EML4: variants seen among roughly 807,000 people sequenced by gnomAD.
EML4 encodes echinoderm microtubule-associated protein-like 4.
Under a neutral mutation model 129.0 loss-of-function variants are expected in EML4, and 72 were observed. The ratio of observed to expected loss-of-function variants is 0.56; its 90% confidence interval spans 0.46 to 0.68. The LOEUF is 0.68. Ranked by LOEUF, EML4 falls within the 30% of genes least tolerant of loss-of-function variation. The pLI is 0.00. For missense variants in EML4, 1,363 were observed against 1,190.6 expected (o/e 1.14, Z -2.13); for synonymous variants, 532 against 405.0 (o/e 1.31, Z -3.77).
intron 2 of EML4, 25 bp downstream of exon 2, chr2:42,245,712 G>A: frequency 6.5e-7 from 1 of 1,547,668 alleles, no homozygotes; most frequent in East Asian, 2.3e-5. Flanking sequence ...AAGTTAAAAA[G>A]AGTCTTGCTT....
chr2:42,215,702 T>G (rs920147876), intron 1 of EML4, among the ~76,000 whole-genome samples: 1 of 152,152 alleles, frequency 6.6e-6, no homozygotes, highest in African/African-American at 2.4e-5. Context: ...AGATACAGAG[T>G]TAAATTACTT....
intron 1 of EML4, among the ~76,000 whole-genome samples, chr2:42,222,242 A>C (rs987276090): frequency 2.0e-5 from 3 of 152,112 alleles, no homozygotes; most frequent in African/African-American, 2.4e-5. Context: ...TATTTTAACA[A>C]ATTTTTTGCA....
chr2:42,245,013 T>A (rs537330018), intron 1 of EML4, among the ~76,000 whole-genome samples: 1 of 151,692 alleles, frequency 6.6e-6, no homozygotes, highest in South Asian at 2.1e-4. Flanking sequence ...TAAATTAAGA[T>A]AGCTATAAAA....
intron 6 of EML4, among the ~76,000 whole-genome samples, chr2:42,278,145 C>G (rs1301884460): frequency 6.6e-6 from 1 of 152,134 alleles, no homozygotes; most frequent in Non-Finnish European, 1.5e-5. Context: ...CTTTGTCTCC[C>G]CTTTAGCTCC....
chr2:42,319,364 C>T (rs575518260), intron 19 of EML4, among the ~76,000 whole-genome samples: 1 of 152,314 alleles, frequency 6.6e-6, no homozygotes, highest in South Asian at 2.1e-4. Flanking sequence ...TTGTCAAATG[C>T]ATGAGACTTG....
At chr2:42,314,157 G>A (rs1460971572) in intron 17 of EML4, among the ~76,000 whole-genome samples, 9 of 151,980 alleles carry the variant, frequency 5.9e-5, no homozygotes, top group Admixed American at 5.2e-4. Context: ...TCAGGAGTTC[G>A]AGACCAGCCT....
chr2:42,295,892 A>G (rs1667920264), intron 13 of EML4, among the ~76,000 whole-genome samples: 1 of 152,218 alleles, frequency 6.6e-6, no homozygotes. Flanking sequence ...GAGAAAAGGA[A>G]TAAACTCATA....
At chr2:42,282,793 A>T in intron 7 of EML4, 30 bp from the exon 8 acceptor site, 1 of 1,597,678 alleles carries the variant, frequency 6.3e-7, no homozygotes, top group Non-Finnish European at 8.6e-7. Flanking sequence ...AACTGTGTTT[A>T]TTTAAAACCT....
intron 1 of EML4, among the ~76,000 whole-genome samples, chr2:42,214,557 A>G (rs1002914007): frequency 3.9e-5 from 6 of 152,184 alleles, no homozygotes; most frequent in Non-Finnish European, 8.8e-5. Flanking sequence ...TAAAAAAACA[A>G]ACACCTAATA....
chr2:42,303,368 C>A lies in EML4; in HGVS notation c.1821C>A (p.Leu607=), dbSNP rs374564605. ...GLATHPFKDL[L]LTCAQDRQVC... ...CCACACATCCCTTCAAAGATTTGCT[C>A]TTGACATGTGCTCAGGACAGGCAGG... Residue 607 remains leucine, a synonymous_variant, in exon 16 of 23, where the codon CTC becomes CTA. Coordinates refer to ENST00000318522, the MANE Select transcript of EML4 (RefSeq NM_019063.5). 12 of 1,614,090 alleles carry A rather than the reference C, an allele frequency of 7.4e-6. No homozygotes were observed. The highest frequency in any genetic ancestry group is 1.1e-5 in the South Asian group (1 of 91,050).
At chr2:42,282,684 G>GC in intron 7 of EML4, 139 bp from the exon 8 acceptor site, 1 of 734,186 alleles carries the variant, frequency 1.4e-6, no homozygotes, top group Non-Finnish European at 2.3e-6. Flanking sequence ...TGAGCACTCT[G>GC]CCCGTCCAGG....
intron 1 of EML4, among the ~76,000 whole-genome samples, chr2:42,189,834 A>T (rs189365292): frequency 5.3e-5 from 8 of 152,298 alleles, no homozygotes; most frequent in African/African-American, 1.9e-4. Flanking sequence ...TACTGAAGAA[A>T]GAGTGTTTTA....
At chr2:42,319,353 T>C (rs1448840600) in intron 19 of EML4, among the ~76,000 whole-genome samples, 1 of 152,210 alleles carries the variant, frequency 6.6e-6, no homozygotes, top group East Asian at 1.9e-4. Flanking sequence ...AAATGGCAAG[T>C]TTGTCAAATG....
chr2:42,262,455 T>C (rs867319732), intron 4 of EML4, among the ~76,000 whole-genome samples: 6 of 152,188 alleles, frequency 3.9e-5, no homozygotes, highest in Non-Finnish European at 8.8e-5. Flanking sequence ...TCACTTGATA[T>C]CTTCTTTGTC....
intron 1 of EML4, among the ~76,000 whole-genome samples, chr2:42,241,072 G>C (rs1373380832): frequency 6.6e-6 from 1 of 152,044 alleles, no homozygotes; most frequent in Non-Finnish European, 1.5e-5. Context: ...TGAGGCAGGA[G>C]AATCTCTTGA....
At chr2:42,298,442 C>G (rs997288) in intron 13 of EML4, among the ~76,000 whole-genome samples, 21,367 of 152,012 alleles carry the variant, frequency 0.14, 1,520 homozygotes, top group East Asian at 0.18. Context: ...GCAGGGATTT[C>G]AAACATTATT....
At chr2:42,224,194 A>G (rs977671294) in intron 1 of EML4, among the ~76,000 whole-genome samples, 1 of 152,158 alleles carries the variant, frequency 6.6e-6, no homozygotes, top group Non-Finnish European at 1.5e-5. Context: ...TGTATCCTTT[A>G]GCAGTCACTT....
intron 1 of EML4, among the ~76,000 whole-genome samples, chr2:42,181,990 G>C (rs149086705): frequency 1.5e-4 from 23 of 152,118 alleles, no homozygotes; most frequent in Non-Finnish European, 3.2e-4. Flanking sequence ...TTACAACAGC[G>C]TAGGGTTAAT....
chr2:42,279,575 A>T (rs1251606429), intron 6 of EML4, among the ~76,000 whole-genome samples: 1 of 151,752 alleles, frequency 6.6e-6, no homozygotes. Context: ...CTCCTGCCTC[A>T]GCCTCCCAAG....
Sources: gnomAD v4.1 joint callset for allele counts (sites outside exome capture counted in the v4.1 genomes callset) on GRCh38, gnomAD v4.1.1 for gene constraint, MANE v1.5 for transcripts, NCBI Gene and HGNC (gene_info 2026-07-23, HGNC 2026-07-21) for gene names.